TUSC3: variants seen among roughly 807,000 people sequenced by gnomAD.
TUSC3 encodes the protein tumor suppressor candidate 3, also known as dolichyl-diphosphooligosaccharide--protein glycosyltransferase subunit TUSC3.
TUSC3 carries 45 observed loss-of-function variants against 44.8 expected under a neutral mutation model. The ratio of observed to expected loss-of-function variants is 1.00; its 90% CI spans 0.79 to 1.29. The LOEUF is 1.29. TUSC3 is among the 50% of genes most tolerant of loss of function. The pLI, the probability that TUSC3 is intolerant of heterozygous loss-of-function variation, is 0.00. For missense variants in TUSC3, 519 were observed against 437.9 expected (o/e 1.19, Z -1.65); for synonymous variants, 212 against 152.9 (o/e 1.39, Z -2.85).
intron 1 of TUSC3, among the ~76,000 whole-genome samples, chr8:15,546,124 A>T (rs1187189901): frequency 6.6e-6 from 1 of 151,842 alleles, no homozygotes; most frequent in Non-Finnish European, 1.5e-5. Flanking sequence ...GCATGTGTGT[A>T]TGTGTGTAAC....
chr8:15,531,401 G>A (rs1026233021), intron 2 of TUSC3, among the ~76,000 whole-genome samples: 9 of 152,202 alleles, frequency 5.9e-5, no homozygotes, highest in Admixed American at 2.0e-4. Flanking sequence ...ACAGGCACCC[G>A]CCACAGTGCC....
chr8:15,816,219 C>G, the TUSC3 span, among the ~76,000 whole-genome samples: 1 of 152,078 alleles, frequency 6.6e-6, no homozygotes, highest in Non-Finnish European at 1.5e-5. Flanking sequence ...CCTAAATTAT[C>G]TCAAGAGATT....
At chr8:15,703,556 T>C (rs1809492523) in intron 6 of TUSC3, among the ~76,000 whole-genome samples, 1 of 152,068 alleles carries the variant, frequency 6.6e-6, no homozygotes, top group Non-Finnish European at 1.5e-5. Flanking sequence ...GAAAAGAGTT[T>C]TATTTGGGTC....
At chr8:15,836,488 A>T in the TUSC3 span, among the ~76,000 whole-genome samples, 1 of 151,946 alleles carries the variant, frequency 6.6e-6, no homozygotes, top group Non-Finnish European at 1.5e-5. Context: ...AAAAAAAAAA[A>T]AAAATTAATA....
At chr8:15,786,470 G>A in the TUSC3 span, among the ~76,000 whole-genome samples, 1 of 152,132 alleles carries the variant, frequency 6.6e-6, no homozygotes, top group Non-Finnish European at 1.5e-5. Flanking sequence ...TAAGAAAATT[G>A]AGAATTCTTG....
chr8:15,746,422 G>T (rs1000848838), intron 8 of TUSC3, among the ~76,000 whole-genome samples: 1 of 151,930 alleles, frequency 6.6e-6, no homozygotes, highest in African/African-American at 2.4e-5. Context: ...TTTTGATGTG[G>T]CACAACTACT....
intron 6 of TUSC3, among the ~76,000 whole-genome samples, chr8:15,706,689 T>G (rs373950067): frequency 6.6e-5 from 10 of 151,982 alleles, no homozygotes; most frequent in African/African-American, 2.4e-4. Context: ...TTTCATAACT[T>G]GAAAATAAAA....
At chr8:15,775,262 C>T in the TUSC3 span, among the ~76,000 whole-genome samples, 3 of 151,974 alleles carry the variant, frequency 2.0e-5, no homozygotes, top group Non-Finnish European at 4.4e-5. Flanking sequence ...CAGAAAAACT[C>T]CTACACAAAA....
chr8:15,511,434 T>C (rs1335570873), intron 2 of TUSC3, among the ~76,000 whole-genome samples: 1 of 152,200 alleles, frequency 6.6e-6, no homozygotes, highest in East Asian at 1.9e-4. Flanking sequence ...TTAGCAAGGT[T>C]GAAGAACTCA....
chr8:15,421,519 C>T (rs1799736928), intron 1 of TUSC3, among the ~76,000 whole-genome samples: 1 of 152,078 alleles, frequency 6.6e-6, no homozygotes, highest in Non-Finnish European at 1.5e-5. Flanking sequence ...TCCCCTTTGC[C>T]CCATTCTACC....
At chr8:15,429,774 T>C (rs966877342) in intron 1 of TUSC3, among the ~76,000 whole-genome samples, 2 of 151,416 alleles carry the variant, frequency 1.3e-5, no homozygotes, top group African/African-American at 4.9e-5. Context: ...ATCAAATAGA[T>C]GCAATAAAAA....
chr8:15,678,802 G>C (rs2543132), intron 6 of TUSC3, among the ~76,000 whole-genome samples: 116,293 of 152,042 alleles, frequency 0.76, 44,853 homozygotes, highest in Non-Finnish European at 0.81. Flanking sequence ...TTTGGAGTCC[G>C]TAGCATCTGT....
chr8:15,584,093 G>A (rs887308637), intron 1 of TUSC3, among the ~76,000 whole-genome samples: 8 of 152,140 alleles, frequency 5.3e-5, no homozygotes, highest in African/African-American at 1.9e-4. Context: ...ATATTTCTGT[G>A]GGAATTTGAA....
At chr8:15,526,552 C>A (rs1444439841) in intron 2 of TUSC3, among the ~76,000 whole-genome samples, 1 of 151,842 alleles carries the variant, frequency 6.6e-6, no homozygotes, top group Non-Finnish European at 1.5e-5. Context: ...GAATAAGTCT[C>A]AGGAGATCTT....
intron 6 of TUSC3, among the ~76,000 whole-genome samples, chr8:15,699,761 G>T (rs938732896): frequency 1.3e-5 from 2 of 152,012 alleles, no homozygotes; most frequent in Non-Finnish European, 1.5e-5. Flanking sequence ...CTTTTTTTAA[G>T]CGTTGTACAG....
the TUSC3 span, among the ~76,000 whole-genome samples, chr8:15,821,796 G>C: frequency 1.2e-4 from 17 of 147,730 alleles, no homozygotes; most frequent in East Asian, 3.1e-3. Context: ...TTTGTGTTTT[G>C]TTCACAAATT....
chr8:15,820,973 C>T, the TUSC3 span, among the ~76,000 whole-genome samples: 1 of 152,098 alleles, frequency 6.6e-6, no homozygotes, highest in African/African-American at 2.4e-5. Flanking sequence ...AGCTATTTGC[C>T]ACTTTTGTTA....
chr8:15,483,687 G>A (rs1800696376), intron 2 of TUSC3, among the ~76,000 whole-genome samples: 5 of 79,648 alleles, frequency 6.3e-5, no homozygotes, highest in Admixed American at 5.6e-4. Context: ...ACTAAGTTTC[G>A]CTCTGTTGCC....
At chr8:15,427,967 AT>A (rs146236211) in intron 1 of TUSC3, among the ~76,000 whole-genome samples, 26,894 of 150,064 alleles carry the variant, frequency 0.18, 2,805 homozygotes, top group African/African-American at 0.29. Context: ...CTTTTTTTAA[AT>A]TTTTTTTTTA....
Sources: gnomAD v4.1 joint callset for allele counts (sites outside exome capture counted in the v4.1 genomes callset) on GRCh38, gnomAD v4.1.1 for gene constraint, MANE v1.5 for transcripts, NCBI Gene and HGNC (gene_info 2026-07-23, HGNC 2026-07-21) for gene names.